Variants in ATP11A observed in about 807,000 individuals in gnomAD.
ATP11A encodes phospholipid-transporting ATPase IH.
Under a neutral mutation model 154.4 loss-of-function variants are expected in ATP11A, and 81 were observed. That is an observed-to-expected ratio of 0.52 (90% CI 0.44 to 0.63). The LOEUF is 0.63. Ranked by LOEUF, ATP11A falls within the 30% of genes least tolerant of loss-of-function variation. The pLI, the probability that ATP11A is intolerant of heterozygous loss-of-function variation, is 0.00. For synonymous variants in ATP11A, 623 were observed against 585.9 expected, an observed-to-expected ratio of 1.06 and a Z score of -0.91; for missense variants, 1,316 against 1,474.3, an observed-to-expected ratio of 0.89 and a Z score of 1.76.
chr13:112,813,950 A>G (rs999771127), intron 5 of ATP11A, among the ~76,000 whole-genome samples: 1 of 152,030 alleles, frequency 6.6e-6, no homozygotes, highest in African/African-American at 2.4e-5. Flanking sequence ...TATAATCTAG[A>G]TAGTAATACT....
In ATP11A at chr13:112,885,588, A is replaced by G. The variant is rs1399655577; in HGVS notation, c.*3722A>G. The G allele has an allele frequency of 2.0e-5, 1 of 50,138 alleles. No homozygotes were observed. The highest frequency in any genetic ancestry group is 3.9e-5 in the Non-Finnish European group (1 of 25,778). 3.1% of individuals were successfully genotyped at this position (50,138 alleles called of 1,614,324 possible). ...CCAGACATGTAAACACACGTCTCCC[A>G]CACGTGAGCTCCCACACGTACACAT... On this transcript the variant is annotated 3_prime_UTR_variant, in exon 30 of 30. Coordinates refer to ENST00000375645, the MANE Select transcript of ATP11A (RefSeq NM_015205.3).
At chr13:112,862,780 C>A (rs758447140) in intron 25 of ATP11A, among the ~76,000 whole-genome samples, 1 of 148,892 alleles carries the variant, frequency 6.7e-6, no homozygotes, top group Admixed American at 6.6e-5. Context: ...CAGTGCAGCC[C>A]GTGCAGCTTC....
intron 25 of ATP11A, among the ~76,000 whole-genome samples, chr13:112,870,216 AG>A (rs1286796328): frequency 6.6e-6 from 1 of 152,234 alleles, no homozygotes; most frequent in Non-Finnish European, 1.5e-5. Context: ...TCACTACAAA[AG>A]GTCCTAACAC....
At chr13:112,829,112 C>T (rs144826494) in intron 12 of ATP11A, among the ~76,000 whole-genome samples, 4 of 152,316 alleles carry the variant, frequency 2.6e-5, no homozygotes, top group African/African-American at 4.8e-5. Flanking sequence ...CCCCGTTCTG[C>T]GATGCAGTGC....
intron 1 of ATP11A, among the ~76,000 whole-genome samples, chr13:112,711,563 C>T (rs7981315): frequency 0.039 from 5,875 of 151,280 alleles, 387 homozygotes; most frequent in African/African-American, 0.13. Context: ...AAACAGGCAC[C>T]GCATCCACCA....
intron 4 of ATP11A, among the ~76,000 whole-genome samples, chr13:112,808,029 G>A (rs2078371439): frequency 6.6e-6 from 1 of 152,152 alleles, no homozygotes; most frequent in African/African-American, 2.4e-5. Context: ...CTGGAGGAGA[G>A]GAGAGGAGAG....
chr13:112,761,065 C>T (rs892533456), intron 1 of ATP11A, among the ~76,000 whole-genome samples: 6 of 152,222 alleles, frequency 3.9e-5, no homozygotes, highest in African/African-American at 1.4e-4. Context: ...CTCCATCGCT[C>T]CAGGGACTGA....
intron 1 of ATP11A, among the ~76,000 whole-genome samples, chr13:112,765,907 G>C (rs2139906460): frequency 6.6e-6 from 1 of 152,394 alleles, no homozygotes; most frequent in South Asian, 2.1e-4. Context: ...GTAACCGCCA[G>C]GGTCCTCCCC....
intron 1 of ATP11A, among the ~76,000 whole-genome samples, chr13:112,738,962 A>G (rs941612780): frequency 8.5e-5 from 13 of 152,220 alleles, no homozygotes; most frequent in Admixed American, 3.9e-4. Context: ...TACTCCATGG[A>G]GCCTAGCAGA....
At chr13:112,808,531 C>A (rs1054747968) in intron 4 of ATP11A, among the ~76,000 whole-genome samples, 1 of 150,368 alleles carries the variant, frequency 6.7e-6, no homozygotes, top group Non-Finnish European at 1.5e-5. Context: ...TTGGGAACAG[C>A]GCCTCTGTCC....
In ATP11A at chr13:112,875,659, A is replaced by G. The variant is rs1248138867; in HGVS notation, c.3162-117A>G. 8.4e-6 allele frequency: 10 copies of G among 1,196,562 alleles called. No homozygotes were observed. In the African/African-American group the frequency reaches 1.1e-4, roughly 13 times the overall value. 74.1% of individuals were successfully genotyped at this position (1,196,562 alleles called of 1,614,324 possible). ...TCAGAGCAGGCTCCGTGGCTTGCCA[A>G]GCAACTCTCACTGACAAAAGTGTAA... On this transcript the variant is annotated intron_variant, in intron 27 of 29. Coordinates refer to ENST00000375645, the MANE Select transcript of ATP11A (RefSeq NM_015205.3). The surrounding 1 kb of genome is among the most constrained non-coding windows in gnomAD (Gnocchi z 4.1).
chr13:112,861,989 A>ACATCAGG (rs2080117048), intron 24 of ATP11A, among the ~76,000 whole-genome samples: 1 of 152,214 alleles, frequency 6.6e-6, no homozygotes, highest in African/African-American at 2.4e-5. Context: ...ATAAGGTGTC[A>ACATCAGG]CGTCAGGCGT....
intron 1 of ATP11A, among the ~76,000 whole-genome samples, chr13:112,773,275 T>C (rs962165844): frequency 1.3e-5 from 2 of 152,128 alleles, no homozygotes; most frequent in Admixed American, 6.5e-5. Context: ...AACCGCTTAG[T>C]GGTGGCCTGG....
At chr13:112,759,108 C>T (rs372539812) in intron 1 of ATP11A, among the ~76,000 whole-genome samples, 4 of 152,326 alleles carry the variant, frequency 2.6e-5, no homozygotes, top group African/African-American at 7.2e-5. Context: ...CATCCATTCC[C>T]CTGTCCCCTC....
chr13:112,757,657 G>A (rs2076873027), intron 1 of ATP11A, among the ~76,000 whole-genome samples: 1 of 152,366 alleles, frequency 6.6e-6, no homozygotes, highest in Middle Eastern at 3.4e-3. Flanking sequence ...GGAAGGGCCA[G>A]GGGCACGGAC....
chr13:112,709,222 T>C (rs1053115869), intron 1 of ATP11A, among the ~76,000 whole-genome samples: 3 of 152,206 alleles, frequency 2.0e-5, no homozygotes, highest in African/African-American at 7.2e-5. Flanking sequence ...CTACAAATCA[T>C]AAATTCTCAT....
intron 1 of ATP11A, among the ~76,000 whole-genome samples, chr13:112,761,350 T>TA (rs2076958012): frequency 1.3e-5 from 2 of 152,336 alleles, no homozygotes; most frequent in East Asian, 3.9e-4. Context: ...GAGATGTTGT[T>TA]ATGTTGCCAA....
intron 1 of ATP11A, among the ~76,000 whole-genome samples, chr13:112,744,283 G>A (rs1486680107): frequency 6.6e-6 from 1 of 151,252 alleles, no homozygotes; most frequent in East Asian, 1.9e-4. Context: ...GCTTGGGACG[G>A]TCTGGGAGGG....
chr13:112,851,320 C>T (rs1428441200), intron 18 of ATP11A, 102 bp downstream of exon 18: 20 of 1,185,268 alleles, frequency 1.7e-5, no homozygotes, highest in Non-Finnish European at 2.4e-5. Flanking sequence ...GCCATCCGCA[C>T]AGCCGACGGG....
Sources: allele counts gnomAD v4.1 joint callset (sites outside exome capture counted in the v4.1 genomes callset), GRCh38; gene constraint gnomAD v4.1.1; non-coding constraint Gnocchi (gnomAD v3.1); transcripts MANE v1.5; gene names NCBI Gene and HGNC (gene_info 2026-07-23, HGNC 2026-07-21).